The following ARHGEF11 variants were observed in gnomAD, a reference collection of about 807,000 sequenced individuals.
ARHGEF11 encodes the protein Rho guanine exchange factor (GEF) 11.
ARHGEF11 carries 55 observed loss-of-function variants against 193.7 expected under a neutral mutation model. That is an observed-to-expected ratio of 0.28 (90% confidence interval 0.23 to 0.36). ARHGEF11 has a LOEUF of 0.36. Ranked by LOEUF, ARHGEF11 falls within the 10% of genes least tolerant of loss-of-function variation. The pLI is 1.00. For synonymous variants in ARHGEF11, 693 were observed against 768.0 expected, an observed-to-expected ratio of 0.90 and a Z score of 1.62; for missense variants, 1,723 against 2,005.6, an observed-to-expected ratio of 0.86 and a Z score of 2.69.
chr1:157,012,360 T>C (rs188712090), intron 1 of ARHGEF11, among the ~76,000 whole-genome samples: 1 of 152,226 alleles, frequency 6.6e-6, no homozygotes, highest in African/African-American at 2.4e-5. Context: ...GGGAAGAGCA[T>C]AGGGTTTCCA....
rs549395490 is a variant in ARHGEF11, at chr1:157,045,732, G to A, written c.-1402C>T. Among the ~76,000 whole-genome samples the A allele has an allele frequency of 6.7e-4, 101 of 150,040 alleles. 1 individual carries two copies. Among genetic ancestry groups the A allele is most frequent in the African/African-American group, 2.4e-3 (99 of 41,350 alleles). On this transcript the variant is annotated 5_prime_UTR_variant, in exon 1 of 41. Coordinates refer to ENST00000368194, the MANE Select transcript of ARHGEF11 (RefSeq NM_198236.3). Reference sequence around the variant, plus strand: ...CGGCTGCGGCAGGCCGGCACGAGCGGGCGTCCGACTGCCGGCGTCGCGGCC... The same window carrying A: ...CGGCTGCGGCAGGCCGGCACGAGCGAGCGTCCGACTGCCGGCGTCGCGGCC...
chr1:156,951,203 C>T (rs145208766), intron 22 of ARHGEF11, among the ~76,000 whole-genome samples: 134 of 152,276 alleles, frequency 8.8e-4, no homozygotes, highest in African/African-American at 3.2e-3. Context: ...CTTTTTTCCC[C>T]AGGACTCCCT....
intron 1 of ARHGEF11, among the ~76,000 whole-genome samples, chr1:157,043,672 A>T (rs1673026673): frequency 6.6e-6 from 1 of 152,202 alleles, no homozygotes; most frequent in Non-Finnish European, 1.5e-5. Flanking sequence ...GGCAGGTCTC[A>T]ATTCAAACTC....
At chr1:157,016,095 A>G (rs889453788) in intron 1 of ARHGEF11, among the ~76,000 whole-genome samples, 2 of 152,196 alleles carry the variant, frequency 1.3e-5, no homozygotes, top group Admixed American at 6.5e-5. Flanking sequence ...TACCCAGCCA[A>G]TCACAAATAA....
chr1:157,032,415 C>T (rs1210444702), intron 1 of ARHGEF11, among the ~76,000 whole-genome samples: 2 of 152,220 alleles, frequency 1.3e-5, no homozygotes, highest in Admixed American at 1.3e-4. Context: ...CCAGTATTGG[C>T]ATCATCTGGG....
At chr1:156,986,034 T>G (rs1557905588) in intron 2 of ARHGEF11, 48 bp downstream of exon 2, 8 of 1,475,950 alleles carry the variant, frequency 5.4e-6, no homozygotes, top group Middle Eastern at 1.7e-4. Flanking sequence ...TACAGGCATG[T>G]GCCACCATGC....
chr1:156,996,835 C>A (rs1426773744), intron 1 of ARHGEF11, among the ~76,000 whole-genome samples: 3 of 144,338 alleles, frequency 2.1e-5, no homozygotes, highest in African/African-American at 5.1e-5. Flanking sequence ...TACTAGCTGG[C>A]TGAGCTTAGG....
intron 1 of ARHGEF11, among the ~76,000 whole-genome samples, chr1:157,037,387 C>A (rs1321262532): frequency 6.6e-6 from 1 of 152,122 alleles, no homozygotes; most frequent in Non-Finnish European, 1.5e-5. Context: ...ATAAACCTTC[C>A]CCGGCTCCCT....
chr1:156,976,848 C>CG, intron 7 of ARHGEF11, 135 bp downstream of exon 7: 1 of 761,220 alleles, frequency 1.3e-6, no homozygotes, highest in East Asian at 2.5e-5. Context: ...TTTAGTGGTC[C>CG]GGAAGTTTTA....
chr1:156,994,285 C>A (rs1557920407), intron 1 of ARHGEF11, among the ~76,000 whole-genome samples: 2 of 152,096 alleles, frequency 1.3e-5, no homozygotes, highest in Non-Finnish European at 2.9e-5. Flanking sequence ...AGCTGAAGGA[C>A]CCATATACGT....
chr1:156,979,360 ACT>A, intron 4 of ARHGEF11, 74 bp from the exon 5 acceptor site: 8 of 737,686 alleles, frequency 1.1e-5, no homozygotes, highest in Admixed American at 3.8e-5. Flanking sequence ...TCAAAATGCC[ACT>A]TTTTTTTTTT....
chr1:157,030,425 C>A (rs1671156130), intron 1 of ARHGEF11, among the ~76,000 whole-genome samples: 1 of 152,242 alleles, frequency 6.6e-6, no homozygotes, highest in African/African-American at 2.4e-5. Context: ...TTATCCTCTT[C>A]TTAGACAGTG....
At chr1:157,016,785 T>A (rs906006911) in intron 1 of ARHGEF11, among the ~76,000 whole-genome samples, 1 of 142,634 alleles carries the variant, frequency 7.0e-6, no homozygotes, top group East Asian at 2.0e-4. Flanking sequence ...AAATTTTCCA[T>A]AATAGAGTTT....
intron 39 of ARHGEF11, 93 bp downstream of exon 39, chr1:156,937,156 G>A: frequency 1.3e-6 from 2 of 1,585,982 alleles, no homozygotes; most frequent in Non-Finnish European, 8.6e-7. Context: ...ACAGGATCTA[G>A]GGCTCCCGCG....
At chr1:157,016,456 G>C (rs1669243597) in intron 1 of ARHGEF11, among the ~76,000 whole-genome samples, 1 of 152,158 alleles carries the variant, frequency 6.6e-6, no homozygotes. Flanking sequence ...TTGGCCTCAA[G>C]TGATCCACCT....
intron 1 of ARHGEF11, among the ~76,000 whole-genome samples, chr1:157,000,330 C>A (rs1040330538): frequency 2.0e-5 from 3 of 152,158 alleles, no homozygotes; most frequent in Non-Finnish European, 4.4e-5. Context: ...TGAAGTAAAT[C>A]ATCATGAAAG....
chr1:156,976,293 T>C (rs1167350385), intron 7 of ARHGEF11, among the ~76,000 whole-genome samples: 1 of 152,156 alleles, frequency 6.6e-6, no homozygotes, highest in African/African-American at 2.4e-5. Flanking sequence ...TGAAATACTA[T>C]CCTCTCTGTG....
chr1:156,941,908 G>T lies in ARHGEF11; in HGVS notation c.3408C>A (p.Pro1136=), dbSNP rs773789046. 2 of 1,613,956 alleles carry T rather than the reference G, an allele frequency of 1.2e-6. No individual in the cohort carries two copies. The highest frequency in any genetic ancestry group is 2.2e-5 in the South Asian group (2 of 91,062). ...GCTGGGCTGGCTCCCGGGGACCTGGGGGTGGAGGATGGACGGGCATTGGGG... is the reference window on the plus strand; with the variant it reads ...GCTGGGCTGGCTCCCGGGGACCTGGTGGTGGAGGATGGACGGGCATTGGGG... The part of the protein sequence containing the change: ...GAAPMPVHPP[P]PGPREPAQQG... Residue 1136 remains proline (P), a synonymous_variant, in exon 34 of 41, where the codon CCC becomes CCA. Coordinates refer to ENST00000368194, the MANE Select transcript of ARHGEF11 (RefSeq NM_198236.3).
chr1:156,968,587 G>T (rs555098255), intron 10 of ARHGEF11, among the ~76,000 whole-genome samples: 5 of 152,124 alleles, frequency 3.3e-5, no homozygotes, highest in Admixed American at 1.3e-4. Context: ...TTTTCCCATG[G>T]ACAGGGCAGT....
Sources: allele counts gnomAD v4.1 joint callset (sites outside exome capture counted in the v4.1 genomes callset), GRCh38; gene constraint gnomAD v4.1.1; transcripts MANE v1.5; gene names NCBI Gene and HGNC (gene_info 2026-07-23, HGNC 2026-07-21).